ACOT7: variants seen among roughly 807,000 people sequenced by gnomAD.
The protein encoded by ACOT7 is cytosolic acyl coenzyme A thioester hydrolase.
A neutral mutation model predicts 40.2 loss-of-function variants in ACOT7; 12 were observed. The observed-to-expected ratio is 0.30, with a 90% CI of 0.19 to 0.48. ACOT7 has a LOEUF of 0.48. ACOT7 is among the 20% of genes least tolerant of loss of function. ACOT7 has a pLI of 0.99. For synonymous variants in ACOT7, 228 were observed against 219.5 expected (o/e 1.04, Z -0.34); for missense variants, 395 against 530.8 (o/e 0.74, Z 2.51).
chr1:6,302,666 T>C (rs1401888120), intron 6 of ACOT7, among the ~76,000 whole-genome samples: 2 of 151,954 alleles, frequency 1.3e-5, no homozygotes, highest in Admixed American at 6.6e-5. Flanking sequence ...TCATAAAAAC[T>C]GAGATTTTAA....
chr1:6,344,601 T>TA (rs1373734642), intron 2 of ACOT7, among the ~76,000 whole-genome samples: 2 of 151,648 alleles, frequency 1.3e-5, no homozygotes, highest in Non-Finnish European at 2.9e-5. Flanking sequence ...CTGTCTCTAC[T>TA]AAAAATACAA....
At chr1:6,324,861 C>A (rs937569979) in intron 5 of ACOT7, among the ~76,000 whole-genome samples, 1 of 152,212 alleles carries the variant, frequency 6.6e-6, no homozygotes, top group Non-Finnish European at 1.5e-5. Flanking sequence ...TATAAGGTCC[C>A]ATTCACAGGC....
chr1:6,280,800 C>G (rs1316178506), intron 8 of ACOT7, among the ~76,000 whole-genome samples: 1 of 152,232 alleles, frequency 6.6e-6, no homozygotes, highest in East Asian at 1.9e-4. Flanking sequence ...AGCAGCCATG[C>G]TAAGGCGCTC....
intron 8 of ACOT7, among the ~76,000 whole-genome samples, chr1:6,272,983 C>T (rs1362475372): frequency 6.6e-6 from 1 of 152,240 alleles, no homozygotes; most frequent in East Asian, 1.9e-4. Context: ...CCCAAGGCTC[C>T]ATCCCACACT....
chr1:6,277,635 C>T (rs1403504821), intron 8 of ACOT7, among the ~76,000 whole-genome samples: 1 of 152,268 alleles, frequency 6.6e-6, no homozygotes, highest in African/African-American at 2.4e-5. Flanking sequence ...GTTCCCTTCA[C>T]CTGAATGGTC....
At chr1:6,273,788 G>C (rs1436070467) in intron 8 of ACOT7, among the ~76,000 whole-genome samples, 1 of 152,254 alleles carries the variant, frequency 6.6e-6, no homozygotes, top group Non-Finnish European at 1.5e-5. Flanking sequence ...GGCTGCGCGC[G>C]GCCACCACAC....
intron 2 of ACOT7, among the ~76,000 whole-genome samples, chr1:6,340,393 G>C (rs1156567761): frequency 6.6e-6 from 1 of 152,112 alleles, no homozygotes; most frequent in Non-Finnish European, 1.5e-5. Flanking sequence ...CCTTTCTTCT[G>C]ATTTTCTCAC....
intron 6 of ACOT7, among the ~76,000 whole-genome samples, chr1:6,302,772 C>T (rs561565637): frequency 2.6e-5 from 4 of 152,128 alleles, no homozygotes; most frequent in Non-Finnish European, 5.9e-5. Context: ...GGTTACCTGC[C>T]ACCGAGAGAG....
At chr1:6,374,951 A>G (rs1384709568) in intron 1 of ACOT7, among the ~76,000 whole-genome samples, 1 of 152,180 alleles carries the variant, frequency 6.6e-6, no homozygotes, top group Non-Finnish European at 1.5e-5. Flanking sequence ...TTATTGATTT[A>G]AAGATTTCAG....
rs564244203 is a variant in ACOT7, at chr1:6,288,884, G to A, written c.829+5980C>T. Reference sequence around the variant, plus strand: ...ATGTCTGGATGAAGCAAAGCTGTCCGTGTAACTTCCTGACAGACACCCCAC... The same window carrying A: ...ATGTCTGGATGAAGCAAAGCTGTCCATGTAACTTCCTGACAGACACCCCAC... On this transcript the variant is annotated intron_variant, in intron 7 of 8. Coordinates refer to ENST00000361521, the MANE Select transcript of ACOT7 (RefSeq NM_007274.4). The surrounding 1 kb of genome is among the most constrained non-coding windows in gnomAD (Gnocchi z 4.3). 6.6e-6 allele frequency among the ~76,000 whole-genome samples: 1 copy of A among 152,306 alleles called. No individual in the cohort carries two copies. The highest frequency in any genetic ancestry group is 1.5e-5 in the Non-Finnish European group (1 of 68,038).
chr1:6,389,732 C>A (rs572727785), intron 1 of ACOT7, among the ~76,000 whole-genome samples: 1 of 146,794 alleles, frequency 6.8e-6, no homozygotes, highest in Non-Finnish European at 1.5e-5. Flanking sequence ...TGCAGTGAGC[C>A]GAGATGGCAT....
intron 5 of ACOT7, among the ~76,000 whole-genome samples, chr1:6,319,174 G>A (rs1019958759): frequency 1.3e-5 from 2 of 152,170 alleles, no homozygotes; most frequent in African/African-American, 2.4e-5. Context: ...GACATATAAC[G>A]TCCAGTCTCT....
chr1:6,365,202 A>G (rs1208742922), intron 1 of ACOT7, among the ~76,000 whole-genome samples: 1 of 152,224 alleles, frequency 6.6e-6, no homozygotes, highest in Admixed American at 6.5e-5. Context: ...GCCTGGGGGC[A>G]GGGAGGGACC....
intron 6 of ACOT7, among the ~76,000 whole-genome samples, chr1:6,317,607 C>G (rs1209725211): frequency 6.6e-6 from 1 of 152,174 alleles, no homozygotes; most frequent in Non-Finnish European, 1.5e-5. Flanking sequence ...TGCCCTGACC[C>G]TCAGCAGGCA....
At chr1:6,327,440 C>T (rs763417588) in intron 4 of ACOT7, 27 bp from the exon 5 acceptor site, 5 of 1,611,430 alleles carry the variant, frequency 3.1e-6, no homozygotes, top group African/African-American at 1.3e-5. Context: ...ACAGGTCAGG[C>T]CCAGGCAGGA....
rs1269578495 is a variant in ACOT7, at chr1:6,311,591, A to G, written c.712+6901T>C. Among the ~76,000 whole-genome samples, 1 of 152,140 alleles carries G rather than the reference A, an allele frequency of 6.6e-6. No individual in the cohort carries two copies. The highest frequency in any genetic ancestry group is 1.5e-5 in the Non-Finnish European group (1 of 68,024). On this transcript the variant is annotated intron_variant, in intron 6 of 8. Transcript: ENST00000361521. This position sits in a 1 kb window ranked among gnomAD's most constrained non-coding sequence, Gnocchi z 5.2. ...GGGTCTCTTGTGGTATAATTCAGGG[A>G]GGATCACAGTAACTAACTGTAGGAA...
rs745498703 is a variant in ACOT7 at position 6,393,328 on chromosome 1, G to T, written c.72C>A (p.Ala24=). 3.6e-5 allele frequency: 45 copies of T among 1,265,544 alleles called. No homozygotes were observed. The highest frequency in any genetic ancestry group is 4.4e-5 in the Non-Finnish European group (44 of 1,005,786). 78.4% of individuals were successfully genotyped at this position (1,265,544 alleles called of 1,614,324 possible). ...TGCTGGGGGCTGCGGCGGCGGATGC[G>T]GCGGGCGGCTGCAGAAGGGCGCAGG... is the stretch of plus-strand genomic sequence containing the variant. ...PDTCALLQPP[A]ASAAAAPSMS... is the part of the protein sequence containing the mutation. The change falls in exon 1 of 9, where the codon GCC becomes GCA. Residue 24 remains alanine, a synonymous_variant. Transcript: ENST00000361521.
intron 4 of ACOT7, among the ~76,000 whole-genome samples, chr1:6,328,639 G>A (rs957172652): frequency 3.9e-5 from 6 of 152,198 alleles, no homozygotes; most frequent in South Asian, 2.1e-4. Flanking sequence ...CCGAGATTGC[G>A]CCACTGCACT....
chr1:6,296,230 T>C (rs2148397071), intron 6 of ACOT7, among the ~76,000 whole-genome samples: 1 of 152,204 alleles, frequency 6.6e-6, no homozygotes, highest in Non-Finnish European at 1.5e-5. Flanking sequence ...GGTATGTGGA[T>C]CATCGTCAGT....
Sources: allele counts gnomAD v4.1 joint callset (sites outside exome capture counted in the v4.1 genomes callset), GRCh38; gene constraint gnomAD v4.1.1; non-coding constraint Gnocchi (gnomAD v3.1); transcripts MANE v1.5; gene names NCBI Gene and HGNC (gene_info 2026-07-23, HGNC 2026-07-21).